The following DOCK9 variants were observed in gnomAD, a reference collection of about 807,000 sequenced individuals.
The protein encoded by DOCK9 is dedicator of cytokinesis protein 9.
In DOCK9, 89 loss-of-function variants were observed where a neutral mutation model predicts 263.3. The observed-to-expected ratio is 0.34, with a 90% CI of 0.28 to 0.40. The LOEUF (loss-of-function observed/expected upper bound fraction) is 0.40. DOCK9 is among the 10% of genes least tolerant of loss of function. DOCK9 has a pLI of 1.00. For missense variants in DOCK9, 2,140 were observed against 2,603.4 expected, an observed-to-expected ratio of 0.82 and a Z score of 3.87; for synonymous variants, 976 against 973.1, an observed-to-expected ratio of 1.00 and a Z score of -0.06.
chr13:98,794,871 T>A, intron 52 of DOCK9, 123 bp from the exon 53 acceptor site: 4 of 1,031,220 alleles, frequency 3.9e-6, no homozygotes, highest in Non-Finnish European at 4.4e-6. Context: ...AAGGCAATGT[T>A]GCCACGTGCA....
At position 98,923,375 on chromosome 13, in the gene DOCK9, T is replaced by C. The variant is rs760491805; in HGVS notation, c.417-4A>G. ...TTTATCCAACTTGACCACTTTGCTA[T>C]AAAAACAACAAAGAAAATTTGTTTT... On this transcript the variant is annotated splice_polypyrimidine_tract_variant and splice_region_variant and intron_variant, in intron 4 of 52. Transcript: ENST00000682017. 3 of 1,613,404 alleles carry C rather than the reference T, an allele frequency of 1.9e-6. No individual in the cohort carries two copies. The highest frequency in any genetic ancestry group is 1.7e-5 in the Admixed American group (1 of 59,992).
intron 1 of DOCK9, among the ~76,000 whole-genome samples, chr13:99,068,389 C>T (rs977633976): frequency 2.0e-5 from 3 of 152,174 alleles, no homozygotes; most frequent in Non-Finnish European, 2.9e-5. Context: ...TTGAAACCAG[C>T]CTGGCCAACA....
chr13:99,034,506 T>C (rs1409800674), intron 1 of DOCK9, among the ~76,000 whole-genome samples: 1 of 152,228 alleles, frequency 6.6e-6, no homozygotes, highest in African/African-American at 2.4e-5. Flanking sequence ...TGTTGTAACC[T>C]TGAGTCAATC....
intron 38 of DOCK9, chr13:98,845,432 A>C: frequency 8.4e-7 from 1 of 1,186,680 alleles, no homozygotes; most frequent in Non-Finnish European, 1.1e-6. Flanking sequence ...TCACAAATTG[A>C]TTCATGGGCT....
At chr13:99,012,201 AG>A (rs2141944431) in intron 1 of DOCK9, among the ~76,000 whole-genome samples, 1 of 152,310 alleles carries the variant, frequency 6.6e-6, no homozygotes, top group African/African-American at 2.4e-5. Flanking sequence ...ACATCCTTAT[AG>A]TAGATTCCAT....
At chr13:98,863,984 T>A (rs1441775246) in intron 30 of DOCK9, among the ~76,000 whole-genome samples, 1 of 152,200 alleles carries the variant, frequency 6.6e-6, no homozygotes, top group Non-Finnish European at 1.5e-5. Context: ...ATAATAAACA[T>A]ACATGGCTCA....
At chr13:98,816,062 G>T (rs777142839) in intron 45 of DOCK9, among the ~76,000 whole-genome samples, 57 of 152,248 alleles carry the variant, frequency 3.7e-4, no homozygotes, top group Non-Finnish European at 6.6e-4. Flanking sequence ...TGTATCATTT[G>T]TTCAAATATT....
intron 2 of DOCK9, among the ~76,000 whole-genome samples, chr13:98,954,198 A>G (rs1000600480): frequency 1.3e-5 from 2 of 152,052 alleles, no homozygotes; most frequent in Non-Finnish European, 2.9e-5. Flanking sequence ...CTTTTTGTAC[A>G]TGGATGTAAC....
intron 2 of DOCK9, chr13:98,950,174 T>C (rs2057239757): frequency 7.2e-6 from 6 of 829,952 alleles, no homozygotes; most frequent in Non-Finnish European, 1.1e-5. Context: ...ATTCTTTGGA[T>C]GCGTAAAACA....
intron 1 of DOCK9, among the ~76,000 whole-genome samples, chr13:98,975,472 TACACACACACACACACAC>T (rs146581245): frequency 9.8e-5 from 14 of 142,412 alleles, no homozygotes; most frequent in African/African-American, 2.4e-4. Context: ...TCTAAACACA[TACACACACACACACACAC>T]ACACACACAC....
At chr13:98,858,944 C>T (rs557861263) in intron 33 of DOCK9, 25 of 152,348 alleles carry the variant, frequency 1.6e-4, no homozygotes, top group African/African-American at 6.0e-4. Context: ...GATGTTTCCA[C>T]TCATCTGACT....
intron 33 of DOCK9, chr13:98,859,318 T>C (rs111844300): frequency 1.3e-5 from 2 of 152,220 alleles, no homozygotes; most frequent in African/African-American, 4.8e-5. Flanking sequence ...TTTGCATGAA[T>C]TAACTCTTTT....
upstream of DOCK9, chr13:98,978,129 G>C (rs529287861): frequency 4.4e-6 from 6 of 1,369,562 alleles, no homozygotes; most frequent in Admixed American, 3.3e-5. Flanking sequence ...ATGCAAAAGG[G>C]GAGGCTCCTA....
In DOCK9 at chr13:98,794,490, C is replaced by T. The variant is rs375872201; in HGVS notation, c.*136G>A. 1.7e-5 allele frequency: 16 copies of T among 928,058 alleles called. 1 individual carries two copies. Among genetic ancestry groups the T allele is most frequent in the East Asian group, 8.3e-5 (3 of 36,286 alleles). The allele number at this position is 928,058 out of a possible 1,614,324, so 57.5% of individuals were successfully genotyped here. ...CTATAGAAAGTCTGTTAAGAAATAA[C>T]GTTGTTCTTTATTTCCTTTCTCTCC... On this transcript the variant is annotated 3_prime_UTR_variant, in exon 53 of 53. Transcript: ENST00000682017.
At chr13:98,835,170 C>T (rs2092942722) in intron 39 of DOCK9, among the ~76,000 whole-genome samples, 1 of 152,212 alleles carries the variant, frequency 6.6e-6, no homozygotes. Flanking sequence ...AGATTGATTT[C>T]TGGATTGTCT....
At chr13:98,995,531 C>T (rs1190464191) in intron 1 of DOCK9, among the ~76,000 whole-genome samples, 4 of 148,456 alleles carry the variant, frequency 2.7e-5, no homozygotes, top group African/African-American at 1.0e-4. Flanking sequence ...CTCTGTCCCC[C>T]AGGCTGGAGT....
At position 99,017,918 on chromosome 13, in the gene DOCK9, T is replaced by C. The variant is rs553737290; in HGVS notation, c.130-62367A>G. On this transcript the variant is annotated intron_variant, in intron 1 of 32. Coordinates refer to the DOCK9 transcript ENST00000427887. ...GAAAAAAGGTAACTAAGTGAGGTAA[T>C]AGGTGTGTTAGCTAACTCAATTGTG... 5.9e-5 allele frequency among the ~76,000 whole-genome samples: 9 copies of C among 152,286 alleles called. No individual in the cohort carries two copies. In the South Asian group the frequency reaches 1.7e-3, roughly 28 times the overall value.
chr13:99,002,103 C>T (rs919874844), intron 1 of DOCK9, among the ~76,000 whole-genome samples: 1 of 152,212 alleles, frequency 6.6e-6, no homozygotes, highest in Non-Finnish European at 1.5e-5. Flanking sequence ...TCATTCACTT[C>T]CATTGTGCAT....
intron 15 of DOCK9, among the ~76,000 whole-genome samples, chr13:98,893,350 T>C (rs1439602152): frequency 6.6e-6 from 1 of 152,234 alleles, no homozygotes; most frequent in African/African-American, 2.4e-5. Flanking sequence ...AAACGTTCTA[T>C]TTTTATACTT....
Sources: gnomAD v4.1 joint callset for allele counts (sites outside exome capture counted in the v4.1 genomes callset) on GRCh38, gnomAD v4.1.1 for gene constraint, MANE v1.5 for transcripts, NCBI Gene and HGNC (gene_info 2026-07-23, HGNC 2026-07-21) for gene names.